Variants in SORCS1 observed in about 807,000 individuals in gnomAD.
SORCS1 encodes the protein sortilin related VPS10 domain containing receptor 1, also known as VPS10 domain-containing receptor SorCS1.
A neutral mutation model predicts 146.1 loss-of-function variants in SORCS1; 60 were observed. The observed-to-expected ratio is 0.41, with a 90% CI of 0.33 to 0.51. SORCS1 has a LOEUF of 0.51. SORCS1 is among the 20% of genes least tolerant of loss of function. The probability of loss-of-function intolerance (pLI) is 0.21; values close to 1 mark genes in which losing one functional copy is unlikely to be tolerated. For synonymous variants in SORCS1, 637 were observed against 584.0 expected (o/e 1.09, Z -1.31); for missense variants, 1,352 against 1,487.6 (o/e 0.91, Z 1.50).
At chr10:106,948,523 A>C (rs1954487394) in intron 2 of SORCS1, among the ~76,000 whole-genome samples, 2 of 151,924 alleles carry the variant, frequency 1.3e-5, no homozygotes, top group Admixed American at 1.3e-4. Context: ...AAAATTTAAA[A>C]ATTAATCTGG....
intron 1 of SORCS1, among the ~76,000 whole-genome samples, chr10:107,021,099 T>C (rs1958109328): frequency 6.6e-6 from 1 of 152,126 alleles, no homozygotes. Context: ...ATACACTGCA[T>C]GAAGCAACAG....
At chr10:106,867,598 A>G (rs1428323700) in intron 2 of SORCS1, among the ~76,000 whole-genome samples, 1 of 152,198 alleles carries the variant, frequency 6.6e-6, no homozygotes, top group African/African-American at 2.4e-5. Context: ...CAACATTCTT[A>G]AAGAAAAAAA....
intron 3 of SORCS1, among the ~76,000 whole-genome samples, chr10:106,827,541 T>G (rs1948355302): frequency 6.6e-6 from 1 of 152,218 alleles, no homozygotes; most frequent in African/African-American, 2.4e-5. Flanking sequence ...GCATACAGTT[T>G]GTTGACTGTT....
intron 2 of SORCS1, among the ~76,000 whole-genome samples, chr10:106,874,501 A>G (rs1226498665): frequency 6.6e-6 from 1 of 152,198 alleles, no homozygotes; most frequent in Non-Finnish European, 1.5e-5. Flanking sequence ...ACTCTTCAAG[A>G]GCCTGCATTT....
intron 1 of SORCS1, among the ~76,000 whole-genome samples, chr10:107,065,353 C>T (rs1258577425): frequency 5.3e-5 from 8 of 151,372 alleles, no homozygotes; most frequent in African/African-American, 1.2e-4. Context: ...AAAAGAGCCA[C>T]GGTTAACACT....
rs140383693 is a variant in SORCS1 at position 106,612,164 on chromosome 10, C to G, written c.2921-141G>C. The G allele has an allele frequency of 2.1e-3, 1,244 of 600,088 alleles. 13 individuals carry two copies. The African/African-American group carries it at 0.021, about 10-fold the overall frequency. The allele number at this position is 600,088 out of a possible 1,614,324, so 37.2% of individuals were successfully genotyped here. A position where few individuals can be genotyped will look rare whatever the true frequency, so the allele number is the denominator to read the frequency against. ...CCTTTTTAGAAGGCAAGCCACTACC[C>G]TGTGAATATCTCACCAGCCCCTTCT... is the stretch of plus-strand genomic sequence containing the variant. On this transcript the variant is annotated intron_variant, in intron 21 of 25. Transcript: ENST00000263054.
intron 3 of SORCS1, among the ~76,000 whole-genome samples, chr10:106,826,366 T>C (rs1199173784): frequency 6.6e-6 from 1 of 152,224 alleles, no homozygotes; most frequent in Non-Finnish European, 1.5e-5. Flanking sequence ...AATACAACTT[T>C]TTAAAGGAGT....
At chr10:106,836,862 C>G (rs907401509) in intron 2 of SORCS1, among the ~76,000 whole-genome samples, 10 of 152,170 alleles carry the variant, frequency 6.6e-5, no homozygotes, top group Non-Finnish European at 1.5e-4. Flanking sequence ...TTGGGCTCAA[C>G]CAGTTAATGA....
At chr10:107,178,695 C>T in the SORCS1 span, among the ~76,000 whole-genome samples, 1 of 152,036 alleles carries the variant, frequency 6.6e-6, no homozygotes, top group Non-Finnish European at 1.5e-5. Context: ...GCCTTGTTGG[C>T]CAGGCTGGTC....
At chr10:106,912,810 C>G (rs1952229079) in intron 2 of SORCS1, among the ~76,000 whole-genome samples, 1 of 152,092 alleles carries the variant, frequency 6.6e-6, no homozygotes, top group African/African-American at 2.4e-5. Flanking sequence ...TCCTGAGTAG[C>G]TGGGACTACA....
chr10:106,600,596 T>G (rs1246359566), intron 23 of SORCS1: 1 of 985,250 alleles, frequency 1.0e-6, no homozygotes, highest in Non-Finnish European at 1.2e-6. Context: ...TTGTTACATA[T>G]ATTCTAAAGG....
intron 2 of SORCS1, among the ~76,000 whole-genome samples, chr10:106,860,972 T>C (rs1341700644): frequency 8.5e-5 from 13 of 152,210 alleles, no homozygotes; most frequent in Admixed American, 8.5e-4. Context: ...ATGGCATACA[T>C]ACACACGTCC....
chr10:106,934,460 C>T (rs1446213573), intron 2 of SORCS1, among the ~76,000 whole-genome samples: 4 of 151,972 alleles, frequency 2.6e-5, no homozygotes, highest in East Asian at 1.9e-4. Context: ...GGGATTTCAC[C>T]GTGTTAGCCA....
chr10:106,722,621 C>T (rs1294886423), intron 6 of SORCS1, among the ~76,000 whole-genome samples: 2 of 152,168 alleles, frequency 1.3e-5, no homozygotes, highest in African/African-American at 4.8e-5. Context: ...TATGAGGTTA[C>T]TTATTCATGA....
chr10:106,590,654 ATGTTTT>A (rs1192950535), intron 24 of SORCS1, among the ~76,000 whole-genome samples: 2 of 151,964 alleles, frequency 1.3e-5, no homozygotes, highest in Non-Finnish European at 2.9e-5. Flanking sequence ...TAGCTGTTTT[ATGTTTT>A]TGTTTTTGTT....
rs145183415 is a variant in SORCS1, at chr10:107,084,253, A to G, written c.558+79716T>C. On this transcript the variant is annotated intron_variant, in intron 1 of 25. Coordinates refer to ENST00000263054, the MANE Select transcript of SORCS1 (RefSeq NM_052918.5). Reference sequence around the variant, plus strand: ...TGGGACTATAGGTGCCCACCACCATACCCGGCTAATTTTTTTTTTTTTTTT... The same window carrying G: ...TGGGACTATAGGTGCCCACCACCATGCCCGGCTAATTTTTTTTTTTTTTTT... Among the ~76,000 whole-genome samples the G allele has an allele frequency of 6.1e-3, 891 of 145,148 alleles. 9 individuals carry two copies. The highest frequency in any genetic ancestry group is 0.047 in the East Asian group (234 of 5,016).
At chr10:106,956,700 G>A (rs999429300) in intron 1 of SORCS1, 120 bp from the exon 2 acceptor site, 1 of 839,114 alleles carries the variant, frequency 1.2e-6, no homozygotes, top group Non-Finnish European at 1.9e-6. Flanking sequence ...TGAATGAATT[G>A]TTACAGCATT....
At chr10:106,897,745 G>T (rs1036762042) in intron 2 of SORCS1, among the ~76,000 whole-genome samples, 3 of 152,096 alleles carry the variant, frequency 2.0e-5, no homozygotes, top group Non-Finnish European at 2.9e-5. Context: ...AGAACTAAAG[G>T]GGCCAAAATC....
chr10:106,906,914 G>T (rs1481040092), intron 2 of SORCS1, among the ~76,000 whole-genome samples: 1 of 152,188 alleles, frequency 6.6e-6, no homozygotes, highest in African/African-American at 2.4e-5. Context: ...GGACTAAGTT[G>T]CTGTAATATC....
Sources: allele counts gnomAD v4.1 joint callset (sites outside exome capture counted in the v4.1 genomes callset), GRCh38; gene constraint gnomAD v4.1.1; transcripts MANE v1.5; gene names NCBI Gene and HGNC (gene_info 2026-07-23, HGNC 2026-07-21).